Variants in ALG9 observed in about 807,000 individuals in gnomAD.
The protein encoded by ALG9 is ALG9 alpha-1,2-mannosyltransferase, also known as alpha-1,2-mannosyltransferase ALG9.
A neutral mutation model predicts 81.8 loss-of-function variants in ALG9; 55 were observed. That is an observed-to-expected ratio of 0.67 (90% CI 0.54 to 0.84). ALG9 has a LOEUF of 0.84. Ranked by LOEUF, ALG9 falls within the 40% of genes least tolerant of loss-of-function variation. The pLI, the probability that ALG9 is intolerant of heterozygous loss-of-function variation, is 0.00. For synonymous variants in ALG9, 278 were observed against 274.3 expected, an observed-to-expected ratio of 1.01 and a Z score of -0.13; for missense variants, 629 against 745.0, an observed-to-expected ratio of 0.84 and a Z score of 1.81.
At chr11:111,826,375 C>T (rs1953291306) in intron 13 of ALG9, among the ~76,000 whole-genome samples, 1 of 134,910 alleles carries the variant, frequency 7.4e-6, no homozygotes, top group African/African-American at 2.8e-5. Flanking sequence ...ACAAAATAAA[C>T]AATATATCCA....
intron 13 of ALG9, chr11:111,828,946 T>C (rs1265896257): frequency 1.5e-4 from 23 of 152,226 alleles, no homozygotes; most frequent in Non-Finnish European, 1.5e-5. Flanking sequence ...TCATGTTATA[T>C]ATATTGTTTT....
chr11:111,809,636 C>G lies in ALG9; in HGVS notation c.1733+7G>C, dbSNP rs1591954656. On this transcript the variant is annotated splice_region_variant and intron_variant, in intron 14 of 14. Coordinates refer to ENST00000616540, the MANE Select transcript of ALG9 (RefSeq NM_024740.2). ...CTGGAATATCCCATAGGATTAAAGC[C>G]ACATACCTAGAAGCATCAAGGAATG... 2 of 1,613,944 alleles carry G rather than the reference C, an allele frequency of 1.2e-6. No homozygotes were observed. The highest frequency in any genetic ancestry group is 4.5e-5 in the East Asian group (2 of 44,870).
At chr11:111,851,173 T>C (rs1177386112) in intron 8 of ALG9, among the ~76,000 whole-genome samples, 1 of 152,094 alleles carries the variant, frequency 6.6e-6, no homozygotes, top group Non-Finnish European at 1.5e-5. Flanking sequence ...CCACCCTGAT[T>C]ATTCCTATAT....
chr11:111,786,661 G>T, intron 14 of ALG9, 141 bp from the exon 15 acceptor site: 2 of 1,017,670 alleles, frequency 2.0e-6, no homozygotes, highest in East Asian at 2.8e-5. Context: ...TATTATTTCG[G>T]TACTAGATCA....
Position 111,836,244 on chromosome 11 carries a change from G to C in ALG9, c.1523C>G (p.Pro508Arg), listed in dbSNP as rs1955251456. The C allele has an allele frequency of 1.2e-6, 2 of 1,614,046 alleles. No homozygotes were observed. The highest frequency in any genetic ancestry group is 8.5e-7 in the Non-Finnish European group (1 of 1,179,972). ...GGTGGCCAGAGGTCCTTCTGCAAAA[G>C]GTTTTGGTAACTGACCTCTGAACTC... ...PSEFRGQLPKPFAEGPLATRI... is the reference protein window; with the variant it reads ...PSEFRGQLPKRFAEGPLATRI... Residue 508 changes from proline (P) to arginine (R), a missense_variant, in exon 13 of 15, where the codon CCT becomes CGT. Physicochemically the swap from Pro to Arg is moderately radical, Grantham distance 103 (BLOSUM62 -2). Transcript: ENST00000616540.
At chr11:111,864,538 T>C (rs1460109596) in intron 4 of ALG9, 1 of 637,498 alleles carries the variant, frequency 1.6e-6, no homozygotes. Context: ...ATTTGAAGCC[T>C]GTACAAAAGC....
chr11:111,837,751 G>T, intron 11 of ALG9, 136 bp from the exon 12 acceptor site: 1 of 983,658 alleles, frequency 1.0e-6, no homozygotes, highest in South Asian at 1.4e-5. Context: ...ATTCCAGCAT[G>T]AAGCCTGCTC....
chr11:111,855,713 GA>G (rs2137078132), intron 6 of ALG9, among the ~76,000 whole-genome samples: 1 of 152,268 alleles, frequency 6.6e-6, no homozygotes, highest in South Asian at 2.1e-4. Flanking sequence ...TGAAGCTCAA[GA>G]GAGATAACTG....
At chr11:111,768,418 C>T in the ALG9 span, among the ~76,000 whole-genome samples, 70 of 151,966 alleles carry the variant, frequency 4.6e-4, no homozygotes, top group Non-Finnish European at 8.2e-4. Context: ...GAAATAAAAG[C>T]ACATTTTTCC....
intron 14 of ALG9, chr11:111,798,174 G>A: frequency 3.3e-6 from 1 of 299,924 alleles, no homozygotes; most frequent in Non-Finnish European, 6.6e-6. Context: ...CTGCACTCTA[G>A]CCTGGGCAAC....
chr11:111,850,686 G>A (rs2137013081), intron 8 of ALG9, among the ~76,000 whole-genome samples: 1 of 84,042 alleles, frequency 1.2e-5, no homozygotes, highest in South Asian at 4.6e-4. Context: ...CAGCCCGGGT[G>A]ACAGAGCGAG....
At chr11:111,854,263 ATTTTTT>A (rs34277511) in intron 6 of ALG9, among the ~76,000 whole-genome samples, 3 of 83,228 alleles carry the variant, frequency 3.6e-5, no homozygotes, top group Non-Finnish European at 2.1e-5. Context: ...GCCCTGGCTA[ATTTTTT>A]TTTTTTTTTT....
At chr11:111,803,283 CTT>C (rs1386881123) in intron 14 of ALG9, among the ~76,000 whole-genome samples, 5 of 152,066 alleles carry the variant, frequency 3.3e-5, no homozygotes, top group Non-Finnish European at 5.9e-5. Flanking sequence ...GGGAGGATCA[CTT>C]GAGTTCAGGA....
At chr11:111,838,797 A>G (rs2136851614) in intron 10 of ALG9, among the ~76,000 whole-genome samples, 1 of 152,358 alleles carries the variant, frequency 6.6e-6, no homozygotes, top group African/African-American at 2.4e-5. Context: ...TATCAAAAAA[A>G]GGTCTCATGA....
chr11:111,794,960 T>G (rs1948023615), intron 14 of ALG9, among the ~76,000 whole-genome samples: 1 of 152,242 alleles, frequency 6.6e-6, no homozygotes, highest in Non-Finnish European at 1.5e-5. Flanking sequence ...AAAGCTGGTA[T>G]GGAGCAAAAA....
At chr11:111,844,243 A>T (rs781915776) in intron 9 of ALG9, among the ~76,000 whole-genome samples, 2 of 152,104 alleles carry the variant, frequency 1.3e-5, no homozygotes, top group Non-Finnish European at 2.9e-5. Flanking sequence ...ACCTCAGGTG[A>T]TCCACCCGCC....
At chr11:111,786,972 T>C (rs1946563545) in intron 14 of ALG9, among the ~76,000 whole-genome samples, 2 of 152,202 alleles carry the variant, frequency 1.3e-5, no homozygotes, top group African/African-American at 4.8e-5. Context: ...CTGTGCATAG[T>C]GTTCCAGTAT....
chr11:111,788,771 CT>C (rs1946885774), intron 14 of ALG9, among the ~76,000 whole-genome samples: 1 of 151,570 alleles, frequency 6.6e-6, no homozygotes, highest in African/African-American at 2.4e-5. Flanking sequence ...AAAAGTTACT[CT>C]TTTCATCTAC....
chr11:111,835,172 A>C (rs1461794903), intron 13 of ALG9, among the ~76,000 whole-genome samples: 1 of 152,240 alleles, frequency 6.6e-6, no homozygotes, highest in East Asian at 1.9e-4. Flanking sequence ...AATATAGCTG[A>C]CATTTAAACT....
Sources: allele counts gnomAD v4.1 joint callset (sites outside exome capture counted in the v4.1 genomes callset), GRCh38; gene constraint gnomAD v4.1.1; transcripts MANE v1.5; gene names NCBI Gene and HGNC (gene_info 2026-07-23, HGNC 2026-07-21).